The following ZNF462 variants were observed in gnomAD, a reference collection of about 807,000 sequenced individuals.
ZNF462 encodes zinc finger protein 462, also known as zinc finger PBX1-interacting protein.
In ZNF462, 10 loss-of-function variants were observed where a neutral mutation model predicts 201.9. That is an observed-to-expected ratio of 0.05 (90% CI 0.03 to 0.08). ZNF462 has a LOEUF of 0.08. Ranked by LOEUF, ZNF462 falls within the 10% of genes least tolerant of loss-of-function variation. The pLI is 1.00. For missense variants in ZNF462, 2,523 were observed against 3,168.3 expected (o/e 0.80, Z 4.89); for synonymous variants, 1,227 against 1,193.3 (o/e 1.03, Z -0.58).
At chr9:106,997,310 A>T (rs1828809970) in intron 10 of ZNF462, among the ~76,000 whole-genome samples, 1 of 152,146 alleles carries the variant, frequency 6.6e-6, no homozygotes, top group South Asian at 2.1e-4. Flanking sequence ...ATGATACAGC[A>T]ATCCCACTTC....
In ZNF462 at chr9:106,880,266, C is replaced by T. The variant is rs1208303755; in HGVS notation, c.-31+16911C>T. On this transcript the variant is annotated intron_variant, in intron 1 of 12. Transcript: ENST00000277225. This position sits in a 1 kb window ranked among gnomAD's most constrained non-coding sequence, Gnocchi z 4.1. ...ATATTCCCGAATGCTGAAATCTTCTCTGCATCAGCTCATGATTCTGTCTGG... is the reference window on the plus strand; with the variant it reads ...ATATTCCCGAATGCTGAAATCTTCTTTGCATCAGCTCATGATTCTGTCTGG... Among the ~76,000 whole-genome samples the T allele has an allele frequency of 1.3e-5, 2 of 152,236 alleles. No individual in the cohort carries two copies. The highest frequency in any genetic ancestry group is 4.8e-5 in the African/African-American group (2 of 41,464).
chr9:106,952,192 C>T (rs1831381314), intron 7 of ZNF462, among the ~76,000 whole-genome samples: 1 of 152,102 alleles, frequency 6.6e-6, no homozygotes, highest in Admixed American at 6.6e-5. Context: ...CTGTCTAGCT[C>T]CCTATCACAC....
chr9:106,969,957 T>C (rs1248763843), intron 7 of ZNF462, among the ~76,000 whole-genome samples: 1 of 152,098 alleles, frequency 6.6e-6, no homozygotes, highest in East Asian at 1.9e-4. Context: ...GGAGTGTGTT[T>C]TGTGCTTCAT....
Position 106,917,994 on chromosome 9 carries a change from G to A in ZNF462, c.-30-5360G>A, listed in dbSNP as rs1193471830. On this transcript the variant is annotated intron_variant, in intron 1 of 12. Transcript: ENST00000277225. This position sits in a 1 kb window ranked among gnomAD's most constrained non-coding sequence, Gnocchi z 4.5. ...CGGGTTCAAGCAATTCTCTGCCTCA[G>A]CCTCCTGAGTAGCTGGGATTACAGG... is the stretch of plus-strand genomic sequence containing the variant. Among the ~76,000 whole-genome samples, 2 of 151,786 alleles carry A rather than the reference G, an allele frequency of 1.3e-5. No homozygotes were observed. The highest frequency in any genetic ancestry group is 4.8e-5 in the African/African-American group (2 of 41,298).
Position 106,913,042 on chromosome 9 carries a change from C to T in ZNF462, c.-30-10312C>T, listed in dbSNP as rs150753709. 6.6e-6 allele frequency among the ~76,000 whole-genome samples: 1 copy of T among 152,248 alleles called. No individual in the cohort carries two copies. Among genetic ancestry groups the T allele is most frequent in the African/African-American group, 2.4e-5 (1 of 41,534 alleles). On this transcript the variant is annotated intron_variant, in intron 1 of 12. Transcript: ENST00000277225. The surrounding 1 kb of genome is among the most constrained non-coding windows in gnomAD (Gnocchi z 4.1). Reference sequence around the variant, plus strand: ...CTCAAGTGTAGTCAGGTGATGACTCCAGGTGTCACATCAGTTCAGGGTAGC... The same window carrying T: ...CTCAAGTGTAGTCAGGTGATGACTCTAGGTGTCACATCAGTTCAGGGTAGC...
rs547283186 is a variant in ZNF462, at chr9:106,981,757, A to G, written c.6833-2429A>G. ...GGAATTGAAAAGGAGGCTCATAAAAAAGTTTGAAAGAACTGATTATTAATT... is the reference window on the plus strand; with the variant it reads ...GGAATTGAAAAGGAGGCTCATAAAAGAGTTTGAAAGAACTGATTATTAATT... On this transcript the variant is annotated intron_variant, in intron 9 of 12. Coordinates refer to ENST00000277225, the MANE Select transcript of ZNF462 (RefSeq NM_021224.6). This position sits in a 1 kb window ranked among gnomAD's most constrained non-coding sequence, Gnocchi z 4.0. Among the ~76,000 whole-genome samples the G allele has an allele frequency of 6.6e-6, 1 of 152,342 alleles. No individual in the cohort carries two copies. Among genetic ancestry groups the G allele is most frequent in the Non-Finnish European group, 1.5e-5 (1 of 68,026 alleles).
At position 106,872,632 on chromosome 9, in the gene ZNF462, C is replaced by T. The variant is rs528536605; in HGVS notation, c.-31+9277C>T. On this transcript the variant is annotated intron_variant, in intron 1 of 12. Coordinates refer to ENST00000277225, the MANE Select transcript of ZNF462 (RefSeq NM_021224.6). This position sits in a 1 kb window ranked among gnomAD's most constrained non-coding sequence, Gnocchi z 4.5. The stretch of plus-strand genomic sequence containing the variant: ...CCTGCCTCGGCCTTCCAAAGTGCTA[C>T]GACTACAGGCATGAGCCACCATGCC... Among the ~76,000 whole-genome samples the T allele has an allele frequency of 3.3e-5, 5 of 152,200 alleles. No homozygotes were observed. Among genetic ancestry groups the T allele is most frequent in the African/African-American group, 9.6e-5 (4 of 41,544 alleles).
Position 107,009,669 on chromosome 9 carries a change from G to A in ZNF462, c.7313+1G>A, listed in dbSNP as rs774752452. ...AAAGACATGTGCTGAGACACGGCATGTAAGTTGGGCCACTTCAAGGATGCC... is the reference window on the plus strand; with the variant it reads ...AAAGACATGTGCTGAGACACGGCATATAAGTTGGGCCACTTCAAGGATGCC... On this transcript the variant is annotated splice_donor_variant, in intron 12 of 12. Transcript: ENST00000277225. LOFTEE classifies it high-confidence loss of function. This position sits in a 1 kb window ranked among gnomAD's most constrained non-coding sequence, Gnocchi z 6.1. 4 of 1,379,364 alleles carry A rather than the reference G, an allele frequency of 2.9e-6. No individual in the cohort carries two copies. The highest frequency in any genetic ancestry group is 2.9e-6 in the Non-Finnish European group (3 of 1,031,804). The allele number at this position is 1,379,364 out of a possible 1,614,324, so 85.4% of individuals were successfully genotyped here.
At chr9:106,990,809 G>C (rs958505068) in intron 10 of ZNF462, among the ~76,000 whole-genome samples, 1 of 151,986 alleles carries the variant, frequency 6.6e-6, no homozygotes, top group African/African-American at 2.4e-5. Flanking sequence ...TTCCCTACAT[G>C]ATGAGTACAA....
rs984601889 is a variant in ZNF462, at chr9:106,946,237, A to G, written c.6427+7130A>G. On this transcript the variant is annotated intron_variant, in intron 7 of 12. Transcript: ENST00000277225. ...GGTGAACTGCTTGGAGATTACTTCAAGTCTTCCAGACCTCATTTGTGGAAA... is the reference window on the plus strand; with the variant it reads ...GGTGAACTGCTTGGAGATTACTTCAGGTCTTCCAGACCTCATTTGTGGAAA... 5.9e-5 allele frequency among the ~76,000 whole-genome samples: 9 copies of G among 152,240 alleles called. 1 individual carries two copies. Among genetic ancestry groups the G allele is most frequent in the African/African-American group, 1.4e-4 (6 of 41,466 alleles).
At chr9:106,868,074 GAAA>G (rs5899719) in intron 1 of ZNF462, among the ~76,000 whole-genome samples, 4 of 145,510 alleles carry the variant, frequency 2.7e-5, no homozygotes, top group South Asian at 4.4e-4. Context: ...CCAGTGAACT[GAAA>G]AAAAAAAAAA....
chr9:106,910,362 G>GTTTTTTTTTTTTGTTTTT (rs1829493774), intron 1 of ZNF462, among the ~76,000 whole-genome samples: 2 of 64,784 alleles, frequency 3.1e-5, no homozygotes, highest in African/African-American at 6.2e-5. Flanking sequence ...CCTTGTTTTA[G>GTTTTTTTTTTTTGTTTTT]TTTTTTTTTT....
chr9:106,875,886 A>G (rs9299129), intron 1 of ZNF462, among the ~76,000 whole-genome samples: 16,955 of 152,244 alleles, frequency 0.11, 935 homozygotes, highest in East Asian at 0.16. Flanking sequence ...CAGCTACTGT[A>G]TATATTGCTT....
rs1832071733 is a variant in ZNF462, at chr9:106,966,367, T to C, written c.6428-5638T>C. On this transcript the variant is annotated intron_variant, in intron 7 of 12. Transcript: ENST00000277225. This position sits in a 1 kb window ranked among gnomAD's most constrained non-coding sequence, Gnocchi z 4.4. Reference sequence around the variant, plus strand: ...GTTTAGTTTCTCCAAAATGTACGACTTAAGGTGGAGGTGTAGTGAGTTGAA... The same window carrying C: ...GTTTAGTTTCTCCAAAATGTACGACCTAAGGTGGAGGTGTAGTGAGTTGAA... 6.6e-6 allele frequency among the ~76,000 whole-genome samples: 1 copy of C among 152,100 alleles called. No homozygotes were observed. The highest frequency in any genetic ancestry group is 1.5e-5 in the Non-Finnish European group (1 of 67,986).
In ZNF462 at chr9:106,954,329, C is replaced by T. The variant is rs145719373; in HGVS notation, c.6427+15222C>T. Among the ~76,000 whole-genome samples, 777 of 152,074 alleles carry T rather than the reference C, an allele frequency of 5.1e-3. 10 individuals carry two copies. The highest frequency in any genetic ancestry group is 0.018 in the African/African-American group (742 of 41,496). ...GAAAGAGAGTGAGGGGGGGATGTGC[C>T]ATACTTCTAAACCATCAGATCTTGT... On this transcript the variant is annotated intron_variant, in intron 7 of 12. Transcript: ENST00000277225. The surrounding 1 kb of genome is among the most constrained non-coding windows in gnomAD (Gnocchi z 4.0).
intron 7 of ZNF462, among the ~76,000 whole-genome samples, chr9:106,940,442 C>T (rs1173218896): frequency 6.6e-6 from 1 of 152,146 alleles, no homozygotes; most frequent in Non-Finnish European, 1.5e-5. Context: ...GTCTAATTCT[C>T]AGATTACCAA....
Position 106,920,746 on chromosome 9 carries a change from A to G in ZNF462, c.-30-2608A>G, listed in dbSNP as rs1043773037. ...GATAATAGCTTCAGAAGACACCAAG[A>G]TATTAGAGAACTACATAGAGAGATG... On this transcript the variant is annotated intron_variant, in intron 1 of 12. Transcript: ENST00000277225. This position sits in a 1 kb window ranked among gnomAD's most constrained non-coding sequence, Gnocchi z 4.3. Among the ~76,000 whole-genome samples, 1 of 152,200 alleles carries G rather than the reference A, an allele frequency of 6.6e-6. No homozygotes were observed. Among genetic ancestry groups the G allele is most frequent in the African/African-American group, 2.4e-5 (1 of 41,440 alleles).
chr9:107,011,313 C>T lies in ZNF462; in HGVS notation c.*283C>T. The stretch of plus-strand genomic sequence containing the variant: ...TGTTGCGGAATATGGAAGCACCTCC[C>T]AATGGTACGGTGCACCCTGTGGTGG... On this transcript the variant is annotated 3_prime_UTR_variant, in exon 13 of 13. Transcript: ENST00000277225. The surrounding 1 kb of genome is among the most constrained non-coding windows in gnomAD (Gnocchi z 5.6). 2 of 385,730 alleles carry T rather than the reference C, an allele frequency of 5.2e-6. No homozygotes were observed. The highest frequency in any genetic ancestry group is 4.8e-5 in the South Asian group (2 of 41,572). The allele number at this position is 385,730 out of a possible 1,614,324, so 23.9% of individuals were successfully genotyped here. A position where few individuals can be genotyped will look rare whatever the true frequency, so the allele number is the denominator to read the frequency against.
Position 106,880,736 on chromosome 9 carries a change from G to A in ZNF462, c.-31+17381G>A, listed in dbSNP as rs545364853. 3.9e-5 allele frequency among the ~76,000 whole-genome samples: 6 copies of A among 152,264 alleles called. No homozygotes were observed. The South Asian group carries it at 1.2e-3, about 32-fold the overall frequency. On this transcript the variant is annotated intron_variant, in intron 1 of 12. Coordinates refer to ENST00000277225, the MANE Select transcript of ZNF462 (RefSeq NM_021224.6). The surrounding 1 kb of genome is among the most constrained non-coding windows in gnomAD (Gnocchi z 4.1). The stretch of plus-strand genomic sequence containing the variant: ...TTGTAGTCAGAACTTCAGTATAAGG[G>A]AAAAGTAAAACATTTTGGTTCCTTT...
Sources: gnomAD v4.1 joint callset for allele counts (sites outside exome capture counted in the v4.1 genomes callset) on GRCh38, gnomAD v4.1.1 for gene constraint, Gnocchi (gnomAD v3.1) non-coding constraint, MANE v1.5 for transcripts, NCBI Gene and HGNC (gene_info 2026-07-23, HGNC 2026-07-21) for gene names.